The following C8orf34 variants were observed in gnomAD, a reference collection of about 807,000 sequenced individuals.
C8orf34 encodes the protein chromosome 8 open reading frame 34.
C8orf34 carries 65 observed loss-of-function variants against 68.3 expected under a neutral mutation model. The ratio of observed to expected loss-of-function variants is 0.95; its 90% CI spans 0.78 to 1.17. C8orf34 has a LOEUF of 1.17. Ranked by LOEUF, C8orf34 falls within the 50% of genes most tolerant of loss-of-function variation. The probability of loss-of-function intolerance (pLI) is 0.00; values close to 1 mark genes in which losing one functional copy is unlikely to be tolerated. For missense variants in C8orf34, 664 were observed against 655.4 expected (o/e 1.01, Z -0.14); for synonymous variants, 244 against 241.2 (o/e 1.01, Z -0.11).
chr8:68,606,800 T>G (rs1243472438), intron 7 of C8orf34, among the ~76,000 whole-genome samples: 1 of 152,128 alleles, frequency 6.6e-6, no homozygotes, highest in Non-Finnish European at 1.5e-5. Flanking sequence ...TCTATTAAAC[T>G]AAAAATTCTC....
intron 1 of C8orf34, among the ~76,000 whole-genome samples, chr8:68,366,299 T>G (rs1407107842): frequency 6.9e-5 from 9 of 131,326 alleles, no homozygotes; most frequent in East Asian, 2.3e-4. Flanking sequence ...GAAGAATCAA[T>G]ATTGTGAAAA....
At chr8:68,733,057 CTG>C (rs1447956422) in intron 10 of C8orf34, among the ~76,000 whole-genome samples, 7 of 152,100 alleles carry the variant, frequency 4.6e-5, no homozygotes, top group Non-Finnish European at 8.8e-5. Flanking sequence ...GAGTGAGACT[CTG>C]TCTCAACAAA....
intron 10 of C8orf34, among the ~76,000 whole-genome samples, chr8:68,772,853 C>CTCCT (rs1441715381): frequency 7.1e-6 from 1 of 141,586 alleles, no homozygotes. Context: ...CTCTCTTTCT[C>CTCCT]TCCTTCCTTC....
chr8:68,588,198 G>A (rs1046040204), intron 7 of C8orf34, among the ~76,000 whole-genome samples: 3 of 152,140 alleles, frequency 2.0e-5, no homozygotes, highest in Admixed American at 2.0e-4. Flanking sequence ...GCTCGAACCT[G>A]TGTATTTATC....
intron 11 of C8orf34, 149 bp downstream of exon 11, chr8:68,776,598 T>C (rs1823527042): frequency 5.2e-6 from 3 of 577,656 alleles, no homozygotes; most frequent in Non-Finnish European, 8.9e-6. Context: ...TAATAAATAA[T>C]AGGTTAGCAA....
chr8:68,691,438 G>A (rs958283587), intron 8 of C8orf34, among the ~76,000 whole-genome samples: 9 of 151,962 alleles, frequency 5.9e-5, no homozygotes, highest in African/African-American at 2.2e-4. Context: ...TACCTTTATT[G>A]TGATTTTCGT....
chr8:68,503,850 G>C (rs561267971), intron 5 of C8orf34, among the ~76,000 whole-genome samples: 4 of 152,136 alleles, frequency 2.6e-5, no homozygotes, highest in Admixed American at 2.6e-4. Context: ...GTTAGACCCA[G>C]TTAGATCTGG....
At chr8:68,777,329 A>C (rs1393795859) in intron 11 of C8orf34, among the ~76,000 whole-genome samples, 3 of 152,230 alleles carry the variant, frequency 2.0e-5, no homozygotes, top group Non-Finnish European at 4.4e-5. Context: ...GGGCCAAGAC[A>C]TGGGCTGCCT....
intron 12 of C8orf34, among the ~76,000 whole-genome samples, chr8:68,788,677 G>T (rs977196981): frequency 7.9e-5 from 12 of 152,072 alleles, no homozygotes; most frequent in African/African-American, 2.9e-4. Context: ...AGGCCAACAT[G>T]GTGAAACCCC....
intron 7 of C8orf34, among the ~76,000 whole-genome samples, chr8:68,573,046 A>C (rs1016906435): frequency 6.6e-6 from 1 of 151,876 alleles, no homozygotes; most frequent in Non-Finnish European, 1.5e-5. Flanking sequence ...CAACTACTCC[A>C]CAGTGCCCTG....
At chr8:68,416,312 T>C (rs1809662909) in intron 1 of C8orf34, among the ~76,000 whole-genome samples, 1 of 152,188 alleles carries the variant, frequency 6.6e-6, no homozygotes, top group Non-Finnish European at 1.5e-5. Context: ...CATTTATCAA[T>C]ATGTTCTATA....
intron 10 of C8orf34, among the ~76,000 whole-genome samples, chr8:68,745,149 A>C (rs915319478): frequency 2.0e-5 from 3 of 152,190 alleles, no homozygotes; most frequent in Non-Finnish European, 4.4e-5. Flanking sequence ...TCATAAGTGA[A>C]GGAGAAATAA....
chr8:68,357,917 C>A (rs139044849), intron 1 of C8orf34, among the ~76,000 whole-genome samples: 1 of 152,154 alleles, frequency 6.6e-6, no homozygotes, highest in Non-Finnish European at 1.5e-5. Context: ...GGAAAACTCA[C>A]GGCCCTGACA....
chr8:68,761,012 ATT>A (rs1823009011), intron 10 of C8orf34, among the ~76,000 whole-genome samples: 1 of 152,194 alleles, frequency 6.6e-6, no homozygotes, highest in Non-Finnish European at 1.5e-5. Context: ...TGGCAGGAAT[ATT>A]GAGAGTAGCA....
chr8:68,470,316 A>G (rs1331439480), intron 4 of C8orf34, among the ~76,000 whole-genome samples: 3 of 152,128 alleles, frequency 2.0e-5, no homozygotes, highest in Admixed American at 2.0e-4. Flanking sequence ...AAGAAGGATG[A>G]TTGAAGAATG....
At chr8:68,428,290 A>G (rs1810312961) in intron 1 of C8orf34, among the ~76,000 whole-genome samples, 1 of 152,090 alleles carries the variant, frequency 6.6e-6, no homozygotes, top group South Asian at 2.1e-4. Context: ...AAGAGCAGTA[A>G]AAATGGCAAA....
At chr8:68,650,604 C>A (rs1198248862) in intron 8 of C8orf34, among the ~76,000 whole-genome samples, 4 of 151,658 alleles carry the variant, frequency 2.6e-5, no homozygotes, top group African/African-American at 9.7e-5. Context: ...CTCAGCCTCC[C>A]AAGTAGCTGG....
chr8:68,756,085 A>C (rs1021706571), intron 10 of C8orf34, among the ~76,000 whole-genome samples: 2 of 96,602 alleles, frequency 2.1e-5, no homozygotes, highest in African/African-American at 1.3e-4. Flanking sequence ...AAACAAAAAA[A>C]CAAAAAAAAA....
chr8:68,676,692 A>G (rs1234813259), intron 8 of C8orf34, among the ~76,000 whole-genome samples: 1 of 152,198 alleles, frequency 6.6e-6, no homozygotes, highest in Non-Finnish European at 1.5e-5. Context: ...AAAATATTGA[A>G]GTAATATCAA....
Sources: gnomAD v4.1 joint callset for allele counts (sites outside exome capture counted in the v4.1 genomes callset) on GRCh38, gnomAD v4.1.1 for gene constraint, MANE v1.5 for transcripts, NCBI Gene and HGNC (gene_info 2026-07-23, HGNC 2026-07-21) for gene names.